The following HDAC8 variants were observed in gnomAD, a reference collection of about 807,000 sequenced individuals.
The protein encoded by HDAC8 is histone deacetylase 8.
Under a neutral mutation model 32.2 loss-of-function variants are expected in HDAC8, and 1 was observed. The observed-to-expected ratio is 0.03, with a 90% confidence interval of 0.01 to 0.15. HDAC8 has a LOEUF of 0.15. Among genes scored for constraint, HDAC8 ranks in the 10% least tolerant of loss-of-function variants. The probability of loss-of-function intolerance (pLI) is 1.00; values close to 1 mark genes in which losing one functional copy is unlikely to be tolerated. For missense variants in HDAC8, 117 were observed against 300.0 expected (o/e 0.39, Z 4.51); for synonymous variants, 108 against 113.9 (o/e 0.95, Z 0.33).
chrX:72,552,154 A>T (rs940923623), intron 4 of HDAC8, among the ~76,000 whole-genome samples: 1 of 112,456 alleles, frequency 8.9e-6, no homozygotes, highest in African/African-American at 3.2e-5. Flanking sequence ...AGTATATTAT[A>T]TAAGTGTGTA....
At chrX:72,549,309 C>CT (rs1443538213) in intron 4 of HDAC8, among the ~76,000 whole-genome samples, 10 of 109,922 alleles carry the variant, frequency 9.1e-5, no homozygotes, top group African/African-American at 3.0e-4. Flanking sequence ...TTGTTCCCCC[C>CT]CCGCCTTATT....
At chrX:72,569,275 C>G (rs1422641266) in intron 2 of HDAC8, among the ~76,000 whole-genome samples, 1 of 112,036 alleles carries the variant, frequency 8.9e-6, no homozygotes, top group Non-Finnish European at 1.9e-5. Context: ...ATCCTTTCAG[C>G]TATATCTTTA....
intron 4 of HDAC8, among the ~76,000 whole-genome samples, chrX:72,556,214 G>C (rs782604161): frequency 3.6e-5 from 4 of 112,075 alleles, no homozygotes; most frequent in African/African-American, 1.3e-4. Context: ...GAGAGAATTT[G>C]CCACTACAAA....
At chrX:72,549,221 C>T (rs969287670) in intron 4 of HDAC8, among the ~76,000 whole-genome samples, 1 of 111,200 alleles carries the variant, frequency 9.0e-6, no homozygotes, top group African/African-American at 3.3e-5. Flanking sequence ...TTGACCATTC[C>T]TTTTCAGGAT....
intron 9 of HDAC8, 73 bp downstream of exon 9, chrX:72,461,931 C>A: frequency 1.3e-6 from 1 of 754,086 alleles, no homozygotes; most frequent in Non-Finnish European, 2.1e-6. Flanking sequence ...GTGGTGAGGA[C>A]GTGATTTTGA....
chrX:72,562,414 G>C (rs1556122484), intron 4 of HDAC8, among the ~76,000 whole-genome samples: 1 of 112,253 alleles, frequency 8.9e-6, no homozygotes, highest in East Asian at 2.8e-4. Context: ...ATTATTCTAA[G>C]TGAAGTAACT....
chrX:72,476,287 A>G (rs1454121887), intron 7 of HDAC8, among the ~76,000 whole-genome samples: 6 of 110,167 alleles, frequency 5.4e-5, no homozygotes, highest in African/African-American at 2.0e-4. Context: ...AGGCCAGAGG[A>G]CCTAGCAAGC....
chrX:72,407,783 C>A (rs1164046133), intron 9 of HDAC8, among the ~76,000 whole-genome samples: 1 of 112,201 alleles, frequency 8.9e-6, no homozygotes, highest in African/African-American at 3.2e-5. Flanking sequence ...TTGCCTTGAG[C>A]TACGAAGTTT....
chrX:72,453,522 A>G (rs868962869), intron 9 of HDAC8, among the ~76,000 whole-genome samples: 8 of 74,117 alleles, frequency 1.1e-4, no homozygotes, highest in East Asian at 3.4e-4. Flanking sequence ...GAAAGAAAGA[A>G]AAAGAAAGAA....
At chrX:72,516,978 G>GT (rs1189060304) in intron 4 of HDAC8, among the ~76,000 whole-genome samples, 9 of 111,912 alleles carry the variant, frequency 8.0e-5, no homozygotes, top group Non-Finnish European at 1.1e-4. Context: ...TGCATTTGCA[G>GT]TTATATGGTT....
At chrX:72,460,811 A>G (rs2047846062) in intron 9 of HDAC8, among the ~76,000 whole-genome samples, 1 of 112,043 alleles carries the variant, frequency 8.9e-6, no homozygotes, top group Non-Finnish European at 1.9e-5. Flanking sequence ...CCACAGCAAT[A>G]ACAGCGATTA....
intron 9 of HDAC8, among the ~76,000 whole-genome samples, chrX:72,413,026 G>A (rs782282338): frequency 9.0e-6 from 1 of 111,039 alleles, no homozygotes; most frequent in South Asian, 3.8e-4. Context: ...ACCTAGGTTT[G>A]ATTTTTAAAA....
At chrX:72,494,540 C>G (rs2048964720) in intron 5 of HDAC8, among the ~76,000 whole-genome samples, 1 of 111,352 alleles carries the variant, frequency 9.0e-6, no homozygotes, top group Non-Finnish European at 1.9e-5. Flanking sequence ...GCTCTACATT[C>G]TAGATGGAAA....
rs782238855 is a variant in HDAC8 at position 72,516,070 on chromosome X, G to A, written c.438-20802C>T. On this transcript the variant is annotated intron_variant, in intron 4 of 10. Coordinates refer to ENST00000373573, the MANE Select transcript of HDAC8 (RefSeq NM_018486.3). ...AAGGAGTTTGGATTTTACTTTCAGTGAGATGAGAAGCCATTGGAGGGTTCT... is the reference window on the plus strand; with the variant it reads ...AAGGAGTTTGGATTTTACTTTCAGTAAGATGAGAAGCCATTGGAGGGTTCT... 3.6e-5 allele frequency among the ~76,000 whole-genome samples: 4 copies of A among 112,038 alleles called. 1 individual carries two copies. Among genetic ancestry groups the A allele is most frequent in the South Asian group, 3.7e-4 (1 of 2,681 alleles).
chrX:72,374,815 T>C (rs1337728181), intron 9 of HDAC8, among the ~76,000 whole-genome samples: 2 of 108,002 alleles, frequency 1.9e-5, no homozygotes, highest in Non-Finnish European at 3.9e-5. Context: ...TCTTTCTTTT[T>C]TTTTTTTTTG....
At chrX:72,409,073 G>A (rs1555969458) in intron 9 of HDAC8, among the ~76,000 whole-genome samples, 1 of 112,106 alleles carries the variant, frequency 8.9e-6, no homozygotes, top group Admixed American at 9.4e-5. Flanking sequence ...ACTTTTCTAC[G>A]TGTATATTCG....
At chrX:72,562,968 G>C (rs1426122500) in intron 4 of HDAC8, among the ~76,000 whole-genome samples, 1 of 104,608 alleles carries the variant, frequency 9.6e-6, no homozygotes, top group African/African-American at 3.5e-5. Context: ...CGCAACCTCT[G>C]CCTCCTGGGT....
chrX:72,498,401 T>C (rs1556014404), intron 4 of HDAC8, among the ~76,000 whole-genome samples: 1 of 111,759 alleles, frequency 8.9e-6, no homozygotes, highest in African/African-American at 3.2e-5. Context: ...GTGCTCTCAC[T>C]GGCCGAGATA....
intron 9 of HDAC8, among the ~76,000 whole-genome samples, chrX:72,411,806 C>T (rs189600007): frequency 4.5e-5 from 5 of 112,035 alleles, no homozygotes; most frequent in Admixed American, 1.9e-4. Flanking sequence ...TAAGAGGACT[C>T]ATGCTCCAAA....
Sources: gnomAD v4.1 joint callset for allele counts (sites outside exome capture counted in the v4.1 genomes callset) on GRCh38, gnomAD v4.1.1 for gene constraint, MANE v1.5 for transcripts, NCBI Gene and HGNC (gene_info 2026-07-23, HGNC 2026-07-21) for gene names.